AAGAB: variants seen among roughly 807,000 people sequenced by gnomAD.
AAGAB encodes the protein alpha- and gamma-adaptin-binding protein p34.
A neutral mutation model predicts 44.1 loss-of-function variants in AAGAB; 38 were observed. The ratio of observed to expected loss-of-function variants is 0.86; its 90% CI spans 0.67 to 1.13. The LOEUF is 1.13. Among genes scored for constraint, AAGAB ranks in the 50% most tolerant of loss-of-function variants. AAGAB has a pLI of 0.00. For synonymous variants in AAGAB, 131 were observed against 131.8 expected (o/e 0.99, Z 0.04); for missense variants, 450 against 373.8 (o/e 1.20, Z -1.68).
chr15:67,205,837 A>G (rs2053292), intron 7 of AAGAB, among the ~76,000 whole-genome samples: 149,968 of 152,202 alleles, frequency 0.99, 73,921 homozygotes, highest in Non-Finnish European at 1. Flanking sequence ...AGATGTGGAA[A>G]TGTTTGGTTT....
At chr15:67,254,693 G>A, upstream of AAGAB, 4 of 1,520,940 alleles carry the variant, frequency 2.6e-6, no homozygotes, top group Non-Finnish European at 3.6e-6. Context: ...CACCACGGCC[G>A]CCGGCGCGAG....
At chr15:67,215,098 C>T (rs1963912962) in intron 5 of AAGAB, among the ~76,000 whole-genome samples, 1 of 152,162 alleles carries the variant, frequency 6.6e-6, no homozygotes. Context: ...CCCTAATTAC[C>T]TCTGCCTGTG....
At chr15:67,248,708 T>C (rs1964787603) in intron 1 of AAGAB, among the ~76,000 whole-genome samples, 1 of 152,242 alleles carries the variant, frequency 6.6e-6, no homozygotes, top group African/African-American at 2.4e-5. Flanking sequence ...GAAGAATGCA[T>C]GTTTTCCAAA....
chr15:67,210,735 T>C (rs1374485507), intron 5 of AAGAB, among the ~76,000 whole-genome samples: 2 of 152,208 alleles, frequency 1.3e-5, no homozygotes, highest in Non-Finnish European at 2.9e-5. Context: ...AAGGACGCTA[T>C]CTGAGATTCA....
At chr15:67,230,343 C>T (rs1964307367) in intron 5 of AAGAB, among the ~76,000 whole-genome samples, 1 of 152,054 alleles carries the variant, frequency 6.6e-6, no homozygotes, top group Non-Finnish European at 1.5e-5. Flanking sequence ...AGAATGTGAC[C>T]CTATTTGGAG....
upstream of AAGAB, chr15:67,255,152 C>G (rs914939054): frequency 8.3e-6 from 5 of 604,220 alleles, no homozygotes; most frequent in Non-Finnish European, 9.0e-6. Context: ...AGGTTACGCC[C>G]CAGAAGCAGG....
intron 1 of AAGAB, among the ~76,000 whole-genome samples, chr15:67,249,700 C>T (rs978048537): frequency 3.9e-5 from 6 of 152,178 alleles, no homozygotes; most frequent in Non-Finnish European, 8.8e-5. Context: ...GTGCCACCAC[C>T]TTAAATTAAA....
intron 9 of AAGAB, 56 bp downstream of exon 9, chr15:67,203,492 A>G (rs1402153687): frequency 1.4e-6 from 2 of 1,425,320 alleles, no homozygotes; most frequent in Non-Finnish European, 2.0e-6. Flanking sequence ...TATAATTATA[A>G]TAATAGCACT....
chr15:67,230,866 T>C lies in AAGAB; in HGVS notation c.535+948A>G, dbSNP rs191381007. The stretch of plus-strand genomic sequence containing the variant: ...AACTTCAGACTCTATGTTGACTTTC[T>C]TCAATTGCCAAACCTCCCTGCACAC... On this transcript the variant is annotated intron_variant, in intron 5 of 9. Coordinates refer to ENST00000261880, the MANE Select transcript of AAGAB (RefSeq NM_024666.5). Among the ~76,000 whole-genome samples the C allele has an allele frequency of 3.7e-3, 560 of 152,262 alleles. 2 individuals carry two copies. Among genetic ancestry groups the C allele is most frequent in the Non-Finnish European group, 6.3e-3 (430 of 68,034 alleles).
In AAGAB at chr15:67,231,887, T is replaced by C; in HGVS notation, c.462A>G (p.Pro154=). The C allele has an allele frequency of 6.2e-7, 1 of 1,609,454 alleles. No homozygotes were observed. The highest frequency in any genetic ancestry group is 8.5e-7 in the Non-Finnish European group (1 of 1,176,128). The change falls in exon 5 of 10, where the codon CCA becomes CCG. Residue 154 remains proline, a synonymous_variant. Coordinates refer to ENST00000261880, the MANE Select transcript of AAGAB (RefSeq NM_024666.5). ...EELPEEDDDF[P]ESTGVKRIVQ... ...CAATTCGCTTTACTCCTGTAGATTC[T>C]GGGAAGTCATCTAATCAGGGAGGGG...
At position 67,254,638 on chromosome 15, in the gene AAGAB, G is replaced by A. The variant is rs201942506; in HGVS notation, c.-7C>T. On this transcript the variant is annotated 5_prime_UTR_variant, in exon 1 of 10. Coordinates refer to ENST00000261880, the MANE Select transcript of AAGAB (RefSeq NM_024666.5). ...AGGGTACGCCAGCAGCCATAGCTGC[G>A]CTCGCGAGCCGGTTCCGTCAGGCAG... The A allele has an allele frequency of 1.3e-6, 2 of 1,585,320 alleles. No homozygotes were observed. The highest frequency in any genetic ancestry group is 1.7e-6 in the Non-Finnish European group (2 of 1,169,826).
intron 1 of AAGAB, among the ~76,000 whole-genome samples, chr15:67,251,447 G>C (rs552345665): frequency 6.6e-6 from 1 of 152,146 alleles, no homozygotes; most frequent in Non-Finnish European, 1.5e-5. Flanking sequence ...GTAGAGACTA[G>C]GTCTCCCTAT....
intron 7 of AAGAB, among the ~76,000 whole-genome samples, chr15:67,207,426 A>T (rs1963711248): frequency 6.6e-6 from 1 of 152,222 alleles, no homozygotes; most frequent in Admixed American, 6.5e-5. Flanking sequence ...ATTAGATTCC[A>T]ATCCAGTACC....
chr15:67,254,506 G>C (rs1425780030), intron 1 of AAGAB, 53 bp downstream of exon 1: 1 of 1,542,764 alleles, frequency 6.5e-7, no homozygotes, highest in Non-Finnish European at 8.8e-7. Flanking sequence ...TGGGTCCGTC[G>C]CCCGCTGAGG....
intron 1 of AAGAB, chr15:67,254,106 A>T (rs2044330): frequency 0.45 from 71,220 of 158,130 alleles, 16,592 homozygotes; most frequent in Non-Finnish European, 0.52. Flanking sequence ...TAATGTACAC[A>T]TTAAGAAGCA....
chr15:67,222,282 A>ACACACACCC (rs796412643), intron 5 of AAGAB, among the ~76,000 whole-genome samples: 2 of 139,850 alleles, frequency 1.4e-5, no homozygotes, highest in Non-Finnish European at 1.6e-5. Context: ...ACACACACAC[A>ACACACACCC]CCCTCCACCC....
intron 5 of AAGAB, among the ~76,000 whole-genome samples, chr15:67,221,616 G>C: frequency 6.6e-6 from 1 of 152,158 alleles, no homozygotes; most frequent in East Asian, 1.9e-4. Flanking sequence ...TAATAGTTAA[G>C]TGATTCTCAA....
intron 5 of AAGAB, among the ~76,000 whole-genome samples, chr15:67,224,846 G>A (rs996449706): frequency 6.6e-6 from 1 of 152,116 alleles, no homozygotes; most frequent in African/African-American, 2.4e-5. Flanking sequence ...CTCCGAAAGT[G>A]CTGGGATTAC....
chr15:67,222,284 C>G (rs866570045), intron 5 of AAGAB, among the ~76,000 whole-genome samples: 1 of 76,082 alleles, frequency 1.3e-5, no homozygotes, highest in Admixed American at 1.5e-4. Context: ...ACACACACAC[C>G]CTCCACCCAT....
Sources: allele counts gnomAD v4.1 joint callset (sites outside exome capture counted in the v4.1 genomes callset), GRCh38; gene constraint gnomAD v4.1.1; transcripts MANE v1.5; gene names NCBI Gene and HGNC (gene_info 2026-07-23, HGNC 2026-07-21).